Variants in GLT1D1 observed in about 807,000 individuals in gnomAD.
GLT1D1 encodes glycosyltransferase 1 domain-containing protein 1.
A neutral mutation model predicts 28.7 loss-of-function variants in GLT1D1; 21 were observed. The observed-to-expected ratio is 0.73, with a 90% confidence interval of 0.52 to 1.05. The LOEUF (loss-of-function observed/expected upper bound fraction) is 1.05. Among genes scored for constraint, GLT1D1 ranks in the 50% least tolerant of loss-of-function variants. The pLI is 0.00. For synonymous variants in GLT1D1, 147 were observed against 124.8 expected (o/e 1.18, Z -1.19); for missense variants, 343 against 330.6 (o/e 1.04, Z -0.29).
intron 2 of GLT1D1, among the ~76,000 whole-genome samples, chr12:128,877,124 T>A (rs778800954): frequency 1.3e-5 from 2 of 152,214 alleles, no homozygotes; most frequent in Non-Finnish European, 2.9e-5. Context: ...GGAAAATTTT[T>A]CTTAACACTC....
At chr12:128,953,620 T>C (rs528880153) in intron 6 of GLT1D1, among the ~76,000 whole-genome samples, 1 of 152,376 alleles carries the variant, frequency 6.6e-6, no homozygotes, top group East Asian at 1.9e-4. Context: ...TTTTATGGTT[T>C]TAATTTGTCC....
chr12:128,914,641 GA>G (rs1419401310), intron 4 of GLT1D1, among the ~76,000 whole-genome samples: 4 of 151,994 alleles, frequency 2.6e-5, no homozygotes, highest in Admixed American at 2.6e-4. Flanking sequence ...CCAACATGGT[GA>G]AACCCTGTCT....
At chr12:128,939,201 C>G (rs1340062099) in intron 4 of GLT1D1, among the ~76,000 whole-genome samples, 3 of 152,028 alleles carry the variant, frequency 2.0e-5, no homozygotes, top group Non-Finnish European at 4.4e-5. Context: ...CTCTCTACCT[C>G]CCAGTTCTGG....
At chr12:128,982,207 C>T (rs1375078269) in intron 7 of GLT1D1, among the ~76,000 whole-genome samples, 3 of 152,110 alleles carry the variant, frequency 2.0e-5, no homozygotes, top group Non-Finnish European at 4.4e-5. Context: ...ACCCCCCTCC[C>T]TCCCTTCTTC....
chr12:128,945,158 CG>C, intron 4 of GLT1D1, 167 bp from the exon 9 acceptor site: 11 of 757,446 alleles, frequency 1.5e-5, no homozygotes, highest in East Asian at 5.1e-5. Flanking sequence ...TTGCCCGAGC[CG>C]GGGGCCCCCA....
intron 4 of GLT1D1, among the ~76,000 whole-genome samples, chr12:128,925,407 C>G (rs747634515): frequency 1.3e-5 from 2 of 152,220 alleles, no homozygotes; most frequent in Non-Finnish European, 2.9e-5. Context: ...CATCATTCAG[C>G]TCCCACTGAT....
chr12:128,914,452 T>C (rs1305446628), intron 4 of GLT1D1, among the ~76,000 whole-genome samples: 2 of 152,118 alleles, frequency 1.3e-5, no homozygotes, highest in Non-Finnish European at 2.9e-5. Flanking sequence ...TGCTGAAGGA[T>C]TCATGGGACT....
rs200471107 is a variant in GLT1D1 at position 128,887,530 on chromosome 12, C to CA, written c.218-1100dup. Among the ~76,000 whole-genome samples the CA allele has an allele frequency of 5.5e-3, 794 of 143,848 alleles. 3 individuals are homozygous for CA. Among genetic ancestry groups the CA allele is most frequent in the African/African-American group, 0.019 (737 of 39,158 alleles). The allele number at this position is 143,848 out of a possible 152,430, so 94.4% of individuals were successfully genotyped here. On this transcript the variant is annotated intron_variant, in intron 2 of 7. Transcript: ENST00000281703. The stretch of plus-strand genomic sequence containing the variant: ...ACACACACACACACACACAGAGCTC[C>CA]AAAAAAAAAGAGTTGGTCTTCACCA...
At chr12:128,854,272 G>T (rs508420) in intron 1 of GLT1D1, among the ~76,000 whole-genome samples, 1 of 152,290 alleles carries the variant, frequency 6.6e-6, no homozygotes, top group East Asian at 1.9e-4. Flanking sequence ...AGGGGCCGCC[G>T]CGTTAATCCC....
chr12:128,878,172 G>A (rs944957417), intron 2 of GLT1D1, among the ~76,000 whole-genome samples: 1 of 152,138 alleles, frequency 6.6e-6, no homozygotes, highest in Non-Finnish European at 1.5e-5. Context: ...ATATGAGGAG[G>A]TTCATGTACA....
At chr12:128,940,685 G>A (rs937454366) in intron 4 of GLT1D1, among the ~76,000 whole-genome samples, 1 of 152,204 alleles carries the variant, frequency 6.6e-6, no homozygotes, top group Non-Finnish European at 1.5e-5. Context: ...GACGGAAATA[G>A]TCCCTGCCCC....
At chr12:128,973,211 C>G (rs1879393223) in intron 7 of GLT1D1, among the ~76,000 whole-genome samples, 1 of 62,078 alleles carries the variant, frequency 1.6e-5, no homozygotes, top group Non-Finnish European at 3.4e-5. Context: ...TTTTTTGAGA[C>G]TCGCTCTGTT....
intron 4 of GLT1D1, chr12:128,944,493 C>A: frequency 1.7e-6 from 2 of 1,144,862 alleles, no homozygotes; most frequent in Admixed American, 1.7e-5. Flanking sequence ...GCTCCCCTGT[C>A]AGAGCATCAA....
chr12:128,921,852 C>T (rs1872687940), intron 4 of GLT1D1, among the ~76,000 whole-genome samples: 1 of 151,980 alleles, frequency 6.6e-6, no homozygotes, highest in Non-Finnish European at 1.5e-5. Flanking sequence ...CTGCGTTCTT[C>T]ACACAGTGCT....
intron 4 of GLT1D1, among the ~76,000 whole-genome samples, chr12:128,908,805 C>A (rs549798913): frequency 1.6e-4 from 25 of 151,946 alleles, no homozygotes; most frequent in Non-Finnish European, 3.2e-4. Flanking sequence ...AAAAATTAGC[C>A]GGGCGTGGTG....
In GLT1D1 at chr12:128,957,582, T is replaced by A; in HGVS notation, c.578T>A (p.Ile193Asn). Residue 193 changes from isoleucine (I) to asparagine (N), a missense_variant, in exon 7 of 8, where the codon ATC becomes AAC. Transcript: ENST00000281703. ...GAAGTACCGGTATTGGCCAGGAACA[T>A]CCCCGGGAATGCTGCCGTGGTGAAG... is the stretch of plus-strand genomic sequence containing the variant. The A allele has an allele frequency of 6.2e-7, 1 of 1,613,854 alleles. No homozygotes were observed. The highest frequency in any genetic ancestry group is 8.5e-7 in the Non-Finnish European group (1 of 1,179,798).
intron 4 of GLT1D1, among the ~76,000 whole-genome samples, chr12:128,939,343 C>T (rs1874881681): frequency 1.3e-5 from 2 of 150,786 alleles, no homozygotes; most frequent in Non-Finnish European, 2.9e-5. Flanking sequence ...GGGCGGATCA[C>T]TTAAGGTCAG....
At chr12:128,965,634 G>GCCTTA (rs1346805544) in intron 7 of GLT1D1, among the ~76,000 whole-genome samples, 2 of 147,828 alleles carry the variant, frequency 1.4e-5, no homozygotes, top group Admixed American at 7.0e-5. Flanking sequence ...CACTTTGGAA[G>GCCTTA]GCTAAGGCAA....
chr12:128,947,239 A>G (rs896373669), intron 5 of GLT1D1, 99 bp from the exon 10 acceptor site: 12 of 1,370,290 alleles, frequency 8.8e-6, no homozygotes, highest in African/African-American at 1.4e-5. Flanking sequence ...TTACTTGCTG[A>G]TCTAGAGTAT....
Sources: gnomAD v4.1 joint callset for allele counts (sites outside exome capture counted in the v4.1 genomes callset) on GRCh38, gnomAD v4.1.1 for gene constraint, MANE v1.5 for transcripts, NCBI Gene and HGNC (gene_info 2026-07-23, HGNC 2026-07-21) for gene names.